PCDHGB2: variants seen among roughly 807,000 people sequenced by gnomAD.
The protein encoded by PCDHGB2 is protocadherin gamma-B2.
Under a neutral mutation model 59.3 loss-of-function variants are expected in PCDHGB2, and 55 were observed. That is an observed-to-expected ratio of 0.93 (90% CI 0.75 to 1.16). PCDHGB2 has a LOEUF of 1.16. Ranked by LOEUF, PCDHGB2 falls within the 50% of genes most tolerant of loss-of-function variation. PCDHGB2 has a pLI of 0.00. For synonymous variants in PCDHGB2, 516 were observed against 512.0 expected (o/e 1.01, Z -0.11); for missense variants, 1,228 against 1,198.5 (o/e 1.02, Z -0.36).
At chr5:141,399,862 G>T in intron 1 of PCDHGB2, 1 of 1,612,900 alleles carries the variant, frequency 6.2e-7, no homozygotes, top group South Asian at 1.1e-5. Flanking sequence ...GCGCGCTGCA[G>T]AGCCCGGCTA....
chr5:141,381,355 C>A (rs1431564536), intron 1 of PCDHGB2, among the ~76,000 whole-genome samples: 1 of 152,222 alleles, frequency 6.6e-6, no homozygotes, highest in Non-Finnish European at 1.5e-5. Flanking sequence ...TTTCTGCTAG[C>A]AGAGGGTAGC....
At chr5:141,366,448 C>T (rs758717804) in intron 1 of PCDHGB2, 3 of 1,614,124 alleles carry the variant, frequency 1.9e-6, no homozygotes, top group South Asian at 1.1e-5. Flanking sequence ...TCTTCCTGGC[C>T]TTCGTCATCG....
At chr5:141,412,001 A>G (rs2095528527) in intron 1 of PCDHGB2, 1 of 151,750 alleles carries the variant, frequency 6.6e-6, no homozygotes, top group Non-Finnish European at 1.5e-5. Flanking sequence ...GCATAGTGAC[A>G]TAAACACTTC....
Position 141,409,742 on chromosome 5 carries a change from G to A in PCDHGB2, c.2421+47186G>A, listed in dbSNP as rs763304955. On this transcript the variant is annotated intron_variant, in intron 1 of 3. Coordinates refer to ENST00000522605, the MANE Select transcript of PCDHGB2 (RefSeq NM_018923.3). Reference sequence around the variant, plus strand: ...GTCAGTGAGCGCGCAGAGCGGGGTGGTGTTCGCGCAGCGCGCCTTTGATCA... The same window carrying A: ...GTCAGTGAGCGCGCAGAGCGGGGTGATGTTCGCGCAGCGCGCCTTTGATCA... 4.3e-6 allele frequency: 7 copies of A among 1,612,986 alleles called. No individual in the cohort carries two copies. In the South Asian group the frequency reaches 5.5e-5, roughly 13 times the overall value.
intron 1 of PCDHGB2, among the ~76,000 whole-genome samples, chr5:141,401,352 G>C (rs1381325058): frequency 6.6e-6 from 1 of 152,080 alleles, no homozygotes; most frequent in Non-Finnish European, 1.5e-5. Flanking sequence ...CAAAAAAAAG[G>C]AAGGAGAAGG....
intron 2 of PCDHGB2, among the ~76,000 whole-genome samples, chr5:141,503,598 C>CA (rs765754054): frequency 0.15 from 9,705 of 65,252 alleles, 922 homozygotes; most frequent in African/African-American, 0.34. Context: ...GACTCCAGCT[C>CA]AAAAAAAAAA....
rs761155361 is a variant in PCDHGB2, at chr5:141,365,110, G to A, written c.2421+2554G>A. 2.5e-6 allele frequency: 4 copies of A among 1,613,868 alleles called. No homozygotes were observed. In the South Asian group the frequency reaches 4.4e-5, roughly 18 times the overall value. On this transcript the variant is annotated intron_variant, in intron 1 of 3. Transcript: ENST00000522605. ...CAGAGAACATACCTGTGGGCACTCG[G>A]CTGCTCATGCTAACCGCCACGGATC...
At chr5:141,481,077 G>A (rs1251064585) in intron 1 of PCDHGB2, among the ~76,000 whole-genome samples, 5 of 151,906 alleles carry the variant, frequency 3.3e-5, no homozygotes, top group Non-Finnish European at 7.4e-5. Context: ...AAGAAAGAAA[G>A]AAAAAAGAAA....
chr5:141,397,087 A>G (rs1386683594), intron 1 of PCDHGB2, among the ~76,000 whole-genome samples: 3 of 152,240 alleles, frequency 2.0e-5, no homozygotes, highest in African/African-American at 7.2e-5. Context: ...AAGTCATTTC[A>G]GATAGGATAA....
In PCDHGB2 at chr5:141,490,682, C is replaced by T. The variant is rs1286126848; in HGVS notation, c.2422-4125C>T. On this transcript the variant is annotated intron_variant, in intron 1 of 3. Coordinates refer to ENST00000522605, the MANE Select transcript of PCDHGB2 (RefSeq NM_018923.3). The surrounding 1 kb of genome is among the most constrained non-coding windows in gnomAD (Gnocchi z 5.4). ...CTTTGCACTGTGGCTGCCTCAGATC[C>T]AGACACTGGGGATAATGCCCGCCTC... 10 of 1,614,054 alleles carry T rather than the reference C, an allele frequency of 6.2e-6. No homozygotes were observed. The highest frequency in any genetic ancestry group is 3.3e-5 in the Admixed American group (2 of 60,008).
At chr5:141,506,432 C>A (rs2099853359) in intron 3 of PCDHGB2, among the ~76,000 whole-genome samples, 1 of 132,482 alleles carries the variant, frequency 7.5e-6, no homozygotes, top group Non-Finnish European at 1.6e-5. Context: ...GGGCAACAGT[C>A]TCGCTCTGTC....
At chr5:141,455,041 T>C (rs971722465) in intron 1 of PCDHGB2, among the ~76,000 whole-genome samples, 2 of 151,234 alleles carry the variant, frequency 1.3e-5, no homozygotes, top group Non-Finnish European at 2.9e-5. Flanking sequence ...CTCGATCTCC[T>C]GACCTCGTGA....
At chr5:141,399,644 A>G (rs2093855347) in intron 1 of PCDHGB2, 2 of 1,613,810 alleles carry the variant, frequency 1.2e-6, no homozygotes, top group Non-Finnish European at 8.5e-7. Context: ...ATGAGCGCGC[A>G]AAGTGGGGTG....
At chr5:141,418,145 T>G in intron 1 of PCDHGB2, 4 of 1,614,052 alleles carry the variant, frequency 2.5e-6, no homozygotes, top group Non-Finnish European at 3.4e-6. Flanking sequence ...TGAGCAAATA[T>G]GCAAAGAGAG....
At chr5:141,443,604 G>A (rs1561911807) in intron 1 of PCDHGB2, among the ~76,000 whole-genome samples, 1 of 152,194 alleles carries the variant, frequency 6.6e-6, no homozygotes, top group Non-Finnish European at 1.5e-5. Context: ...TATATGAAAT[G>A]TTCTTATAAT....
chr5:141,486,671 C>T lies in PCDHGB2; in HGVS notation c.2422-8136C>T, dbSNP rs1307620045. The T allele has an allele frequency of 1.9e-6, 3 of 1,613,926 alleles. No homozygotes were observed. Among genetic ancestry groups the T allele is most frequent in the South Asian group, 1.1e-5 (1 of 91,078 alleles). On this transcript the variant is annotated intron_variant, in intron 1 of 3. Coordinates refer to ENST00000522605, the MANE Select transcript of PCDHGB2 (RefSeq NM_018923.3). This position sits in a 1 kb window ranked among gnomAD's most constrained non-coding sequence, Gnocchi z 5.0. Reference sequence around the variant, plus strand: ...CTACTCACTCCTGGAGCCCAGGAATCGAGATGTATCAGCTTCCTCTTTCAT... The same window carrying T: ...CTACTCACTCCTGGAGCCCAGGAATTGAGATGTATCAGCTTCCTCTTTCAT...
At chr5:141,454,557 C>T (rs191373514) in intron 1 of PCDHGB2, among the ~76,000 whole-genome samples, 8 of 152,160 alleles carry the variant, frequency 5.3e-5, no homozygotes, top group Admixed American at 5.2e-4. Flanking sequence ...CAGGCATGTG[C>T]CACCACGCCC....
chr5:141,380,839 A>G (rs377236135), intron 1 of PCDHGB2, among the ~76,000 whole-genome samples: 1 of 152,258 alleles, frequency 6.6e-6, no homozygotes, highest in Non-Finnish European at 1.5e-5. Context: ...CATCAGGTAA[A>G]AATGGATCAA....
chr5:141,476,726 C>T lies in PCDHGB2; in HGVS notation c.2422-18081C>T. On this transcript the variant is annotated intron_variant, in intron 1 of 3. Coordinates refer to ENST00000522605, the MANE Select transcript of PCDHGB2 (RefSeq NM_018923.3). This position sits in a 1 kb window ranked among gnomAD's most constrained non-coding sequence, Gnocchi z 7.6. ...GCTGGTGTTGGAGCGCGCCCTGGAC[C>T]GAGAACGGGAGCCTAGTCTCCAGTT... The T allele has an allele frequency of 6.2e-7, 1 of 1,614,116 alleles. No homozygotes were observed. The highest frequency in any genetic ancestry group is 8.5e-7 in the Non-Finnish European group (1 of 1,180,028).
Sources: allele counts gnomAD v4.1 joint callset (sites outside exome capture counted in the v4.1 genomes callset), GRCh38; gene constraint gnomAD v4.1.1; non-coding constraint Gnocchi (gnomAD v3.1); transcripts MANE v1.5; gene names NCBI Gene and HGNC (gene_info 2026-07-23, HGNC 2026-07-21).